The following DLGAP1 variants were observed in gnomAD, a reference collection of about 807,000 sequenced individuals.
DLGAP1 encodes disks large-associated protein 1.
A neutral mutation model predicts 90.8 loss-of-function variants in DLGAP1; 11 were observed. The observed-to-expected ratio is 0.12, with a 90% CI of 0.08 to 0.20. DLGAP1 has a LOEUF of 0.20. Among genes scored for constraint, DLGAP1 ranks in the 10% least tolerant of loss-of-function variants. The pLI, the probability that DLGAP1 is intolerant of heterozygous loss-of-function variation, is 1.00. For synonymous variants in DLGAP1, 558 were observed against 540.7 expected (o/e 1.03, Z -0.44); for missense variants, 1,050 against 1,333.8 (o/e 0.79, Z 3.31).
intron 7 of DLGAP1, among the ~76,000 whole-genome samples, chr18:3,719,332 C>T (rs980188722): frequency 1.6e-4 from 25 of 151,550 alleles, no homozygotes; most frequent in African/African-American, 5.6e-4. Context: ...TTTGGGAGGC[C>T]GGGGTGGGCG....
chr18:4,113,433 T>TTGACA (rs2076008009), intron 2 of DLGAP1, among the ~76,000 whole-genome samples: 1 of 152,290 alleles, frequency 6.6e-6, no homozygotes, highest in Admixed American at 6.5e-5. Context: ...TTCATGTCTT[T>TTGACA]TGACATGAAC....
chr18:3,681,791 T>C (rs150658111), intron 7 of DLGAP1, among the ~76,000 whole-genome samples: 1 of 152,250 alleles, frequency 6.6e-6, no homozygotes, highest in East Asian at 1.9e-4. Context: ...TTCTTGATAT[T>C]GTCCTCATGA....
chr18:4,086,060 G>A (rs2075676397), intron 2 of DLGAP1, among the ~76,000 whole-genome samples: 1 of 152,182 alleles, frequency 6.6e-6, no homozygotes, highest in Admixed American at 6.5e-5. Flanking sequence ...TATTTGAAAG[G>A]TGAAGATTAT....
At chr18:4,212,209 T>C (rs1218796238) in intron 1 of DLGAP1, among the ~76,000 whole-genome samples, 1 of 152,110 alleles carries the variant, frequency 6.6e-6, no homozygotes, top group Non-Finnish European at 1.5e-5. Flanking sequence ...CAAAGGACAC[T>C]GAACTCCAAA....
intron 1 of DLGAP1, among the ~76,000 whole-genome samples, chr18:4,426,578 T>G (rs1423985933): frequency 6.6e-6 from 1 of 152,216 alleles, no homozygotes; most frequent in Non-Finnish European, 1.5e-5. Context: ...CCTTGCTATT[T>G]GTTTCACAAG....
In DLGAP1 at chr18:3,582,268, A is replaced by G. The variant is rs770177463; in HGVS notation, c.1592-20T>C. On this transcript the variant is annotated intron_variant, in intron 7 of 12. Coordinates refer to ENST00000315677, the MANE Select transcript of DLGAP1 (RefSeq NM_004746.4). ...ATGACACTGGAAGACAGTGAAAACAAAGACAATGTGATTTCTGCGTGGGTT... is the reference window on the plus strand; with the variant it reads ...ATGACACTGGAAGACAGTGAAAACAGAGACAATGTGATTTCTGCGTGGGTT... 1.3e-6 allele frequency: 2 copies of G among 1,597,800 alleles called. No homozygotes were observed. Among genetic ancestry groups the G allele is most frequent in the South Asian group, 2.2e-5 (2 of 90,626 alleles).
chr18:4,265,424 C>T (rs2079090967), intron 1 of DLGAP1, among the ~76,000 whole-genome samples: 1 of 151,438 alleles, frequency 6.6e-6, no homozygotes, highest in African/African-American at 2.4e-5. Context: ...CTGCCTCGGC[C>T]CCCCAAAGTG....
intron 1 of DLGAP1, among the ~76,000 whole-genome samples, chr18:4,374,126 A>G (rs1380521002): frequency 6.6e-6 from 1 of 152,192 alleles, no homozygotes; most frequent in African/African-American, 2.4e-5. Context: ...TGTAAAACTA[A>G]AGAAGTATTT....
chr18:4,034,232 G>A (rs558306596), intron 2 of DLGAP1, among the ~76,000 whole-genome samples: 2 of 151,268 alleles, frequency 1.3e-5, no homozygotes, highest in Non-Finnish European at 2.9e-5. Context: ...AGTAGAGATG[G>A]GGTTTCACCA....
At chr18:3,970,049 T>C (rs2073413105) in intron 3 of DLGAP1, among the ~76,000 whole-genome samples, 1 of 152,198 alleles carries the variant, frequency 6.6e-6, no homozygotes, top group African/African-American at 2.4e-5. Flanking sequence ...TTGATTAATG[T>C]TTGTCTTTGT....
chr18:3,680,862 G>A (rs2060492133), intron 7 of DLGAP1, among the ~76,000 whole-genome samples: 1 of 151,050 alleles, frequency 6.6e-6, no homozygotes, highest in African/African-American at 2.4e-5. Context: ...ACAAACAAAT[G>A]CTATCATTTG....
chr18:4,192,972 G>T (rs1490551266), intron 1 of DLGAP1, among the ~76,000 whole-genome samples: 1 of 152,196 alleles, frequency 6.6e-6, no homozygotes, highest in African/African-American at 2.4e-5. Flanking sequence ...ACTTAATCTT[G>T]AAGGGTATTG....
intron 7 of DLGAP1, among the ~76,000 whole-genome samples, chr18:3,630,056 A>T (rs779877974): frequency 6.6e-6 from 1 of 152,158 alleles, no homozygotes; most frequent in African/African-American, 2.4e-5. Flanking sequence ...TGTCAACTTG[A>T]CTGGGCCATG....
At chr18:4,313,838 A>C (rs916934969) in intron 1 of DLGAP1, among the ~76,000 whole-genome samples, 18 of 152,260 alleles carry the variant, frequency 1.2e-4, no homozygotes, top group African/African-American at 4.3e-4. Flanking sequence ...TTGTTAACAA[A>C]GAAGTGACTA....
At chr18:4,142,090 C>CT (rs1436968169) in intron 2 of DLGAP1, among the ~76,000 whole-genome samples, 3 of 151,964 alleles carry the variant, frequency 2.0e-5, no homozygotes, top group Non-Finnish European at 4.4e-5. Flanking sequence ...CTTCACAGTC[C>CT]TTTTTTAAAA....
intron 7 of DLGAP1, among the ~76,000 whole-genome samples, chr18:3,622,143 C>T (rs548437990): frequency 5.3e-5 from 8 of 151,310 alleles, no homozygotes; most frequent in Admixed American, 1.3e-4. Context: ...CTCGCTCTGT[C>T]GCCCAGGCTA....
chr18:3,844,050 G>A (rs2068867631), intron 4 of DLGAP1, among the ~76,000 whole-genome samples: 1 of 152,170 alleles, frequency 6.6e-6, no homozygotes, highest in African/African-American at 2.4e-5. Flanking sequence ...ATAAAAGTCT[G>A]ATTGTGGTGT....
At chr18:3,937,209 G>A (rs191093870) in intron 3 of DLGAP1, among the ~76,000 whole-genome samples, 2 of 152,198 alleles carry the variant, frequency 1.3e-5, no homozygotes, top group Admixed American at 1.3e-4. Context: ...GATAACAAAC[G>A]TGTATTAGTC....
At chr18:3,814,840 A>G (rs954728764) in intron 4 of DLGAP1, among the ~76,000 whole-genome samples, 1 of 152,330 alleles carries the variant, frequency 6.6e-6, no homozygotes, top group African/African-American at 2.4e-5. Context: ...AATAAGACCA[A>G]GTATTTTCTT....
Sources: gnomAD v4.1 joint callset for allele counts (sites outside exome capture counted in the v4.1 genomes callset) on GRCh38, gnomAD v4.1.1 for gene constraint, MANE v1.5 for transcripts, NCBI Gene and HGNC (gene_info 2026-07-23, HGNC 2026-07-21) for gene names.